The following MACF1 variants were observed in gnomAD, a reference collection of about 807,000 sequenced individuals.
The protein encoded by MACF1 is microtubule-actin cross-linking factor 1.
In MACF1, 193 loss-of-function variants were observed where a neutral mutation model predicts 854.8. The observed-to-expected ratio is 0.23, with a 90% CI of 0.20 to 0.25. MACF1 has a LOEUF of 0.25. MACF1 is among the 10% of genes least tolerant of loss of function. The pLI is 1.00. For synonymous variants in MACF1, 3,185 were observed against 3,226.7 expected (o/e 0.99, Z 0.44); for missense variants, 7,722 against 8,929.1 (o/e 0.86, Z 5.45).
chr1:39,294,968 G>A (rs1645870054), intron 18 of MACF1, 78 bp from the exon 19 acceptor site: 6 of 1,045,792 alleles, frequency 5.7e-6, no homozygotes, highest in Non-Finnish European at 8.8e-6. Flanking sequence ...TTTAAAATAG[G>A]GAACACAGCT....
In MACF1 at chr1:39,105,666, CAGG is replaced by C. The variant is rs1322391114; in HGVS notation, c.220+21231_220+21233del. The C allele has an allele frequency of 7.6e-5, 94 of 1,236,502 alleles. No individual in the cohort carries two copies. The highest frequency in any genetic ancestry group is 9.6e-5 in the Non-Finnish European group (92 of 962,814). 76.6% of individuals were successfully genotyped at this position (1,236,502 alleles called of 1,614,324 possible). Reference sequence around the variant, plus strand: ...GGGTCAGCAGCCGGCCAACCGCAGCCAGGAGAAGGAGTTCGTGCAGGCGTACGA... The same window carrying C: ...GGGTCAGCAGCCGGCCAACCGCAGCCAGAAGGAGTTCGTGCAGGCGTACGA... On this transcript the variant is annotated intron_variant, in intron 2 of 93. Coordinates refer to the MACF1 transcript ENST00000361689. The surrounding 1 kb of genome is among the most constrained non-coding windows in gnomAD (Gnocchi z 5.9).
intron 1 of MACF1, among the ~76,000 whole-genome samples, chr1:39,222,124 A>T (rs979920909): frequency 3.8e-4 from 56 of 147,794 alleles, no homozygotes; most frequent in African/African-American, 1.2e-3. Flanking sequence ...TTTGTAAATT[A>T]AAAAAAAAAA....
At chr1:39,352,610 C>T (rs1647220420) in intron 43 of MACF1, among the ~76,000 whole-genome samples, 2 of 152,146 alleles carry the variant, frequency 1.3e-5, no homozygotes, top group South Asian at 4.1e-4. Context: ...CTCCACCTCC[C>T]AGGTTCAAAC....
At chr1:39,344,386 C>T (rs1332288597) in intron 40 of MACF1, among the ~76,000 whole-genome samples, 2 of 149,938 alleles carry the variant, frequency 1.3e-5, no homozygotes, top group South Asian at 2.1e-4. Context: ...GAGCTGAGAT[C>T]GTGCCACTGG....
At chr1:39,455,148 A>G in intron 89 of MACF1, 51 bp downstream of exon 89, 2 of 1,556,200 alleles carry the variant, frequency 1.3e-6, no homozygotes, top group Non-Finnish European at 1.8e-6. Flanking sequence ...TTGGGCATGG[A>G]GACCATCTCT....
intron 6 of MACF1, among the ~76,000 whole-genome samples, chr1:39,262,968 GC>G (rs975416756): frequency 5.5e-5 from 8 of 145,098 alleles, no homozygotes; most frequent in South Asian, 2.3e-4. Context: ...CATGTGGAGT[GC>G]CCCCCCACCC....
chr1:39,234,253 A>G (rs112668643), intron 2 of MACF1, among the ~76,000 whole-genome samples: 28 of 152,062 alleles, frequency 1.8e-4, no homozygotes, highest in South Asian at 1.7e-3. Context: ...CCTCCTTTCT[A>G]TTCCACAAAG....
chr1:39,131,340 ATT>A (rs754371197), intron 2 of MACF1, among the ~76,000 whole-genome samples: 3 of 128,910 alleles, frequency 2.3e-5, no homozygotes, highest in Admixed American at 1.6e-4. Flanking sequence ...CAGTTTTATT[ATT>A]TTTTTTTTTT....
chr1:39,190,395 G>GTTT (rs750262685), intron 2 of MACF1, among the ~76,000 whole-genome samples: 5,445 of 78,372 alleles, frequency 0.069, 936 homozygotes, highest in South Asian at 0.11. Flanking sequence ...GTGTGTGTTT[G>GTTT]TTTTTGTTTT....
chr1:39,467,813 T>A (rs1644701084), intron 95 of MACF1: 1 of 152,134 alleles, frequency 6.6e-6, no homozygotes. Flanking sequence ...ATGCAGAAAA[T>A]CAGATTTTCT....
At chr1:39,169,777 T>C (rs937927450) in intron 2 of MACF1, among the ~76,000 whole-genome samples, 111 of 137,096 alleles carry the variant, frequency 8.1e-4, no homozygotes, top group Non-Finnish European at 1.1e-3. Context: ...TTCTTTCTTT[T>C]TTTTTTTTTT....
chr1:39,452,167 G>A lies in MACF1; in HGVS notation c.20430G>A (p.Lys6810=). The part of the protein sequence containing the change: ...NLMDAHKVFQ[K]ELGKRTGTVQ... ...ATTTTCTTTTCTAGGTTTTCCAGAA[G>A]GAACTGGGAAAGCGAACAGGAACCG... is the stretch of plus-strand genomic sequence containing the variant. Residue 6810 remains lysine (K), a synonymous_variant, in exon 86 of 101, where the codon AAG becomes AAA. Coordinates refer to ENST00000564288, the MANE Select transcript of MACF1 (RefSeq NM_001394062.1). 1 of 1,588,514 alleles carries A rather than the reference G, an allele frequency of 6.3e-7. No homozygotes were observed. Among genetic ancestry groups the A allele is most frequent in the Non-Finnish European group, 8.6e-7 (1 of 1,167,408 alleles).
At position 39,437,993 on chromosome 1, in the gene MACF1, G is replaced by C; in HGVS notation, c.18205G>C (p.Asp6069His). The C allele has an allele frequency of 6.2e-7, 1 of 1,613,930 alleles. No homozygotes were observed. Among genetic ancestry groups the C allele is most frequent in the Non-Finnish European group, 8.5e-7 (1 of 1,179,928 alleles). ...LIGRSQGADK[D>H]LAAKEIQDKL... ...TGGACGATCTCAGGGAGCAGACAAG[G>C]ATCTGGCTGCAAAAGGTGCTTGATG... The change falls in exon 71 of 101, where the codon GAT (aspartate) becomes CAT (histidine). Residue 6069 changes from aspartate to histidine, a missense_variant. Asp to His is a moderately conservative substitution (Grantham distance 81, BLOSUM62 -1). This residue lies in a region of MACF1 where 2,807 missense variants were observed against 3,235.8 expected (regional missense o/e 0.87). Transcript: ENST00000564288.
At chr1:39,328,598 C>T (rs1466406911) in intron 36 of MACF1, 1 of 152,190 alleles carries the variant, frequency 6.6e-6, no homozygotes, top group Non-Finnish European at 1.5e-5. Flanking sequence ...CAAAAACAAA[C>T]AGTCGCATGC....
chr1:39,216,161 A>C lies in MACF1; in HGVS notation c.109+11030A>C, dbSNP rs1233062379. Among the ~76,000 whole-genome samples, 2 of 150,694 alleles carry C rather than the reference A, an allele frequency of 1.3e-5. 1 individual carries two copies. The highest frequency in any genetic ancestry group is 4.9e-5 in the African/African-American group (2 of 41,206). On this transcript the variant is annotated intron_variant, in intron 1 of 100. Coordinates refer to ENST00000564288, the MANE Select transcript of MACF1 (RefSeq NM_001394062.1). ...CTGTAAAATGAAAAAAGATAAAGAAAATGTAGTGTGTCTTTCATAAAGCTA... is the reference window on the plus strand; with the variant it reads ...CTGTAAAATGAAAAAAGATAAAGAACATGTAGTGTGTCTTTCATAAAGCTA...
chr1:39,379,273 T>A lies in MACF1; in HGVS notation c.13347T>A (p.His4449Gln). 6.2e-7 allele frequency: 1 copy of A among 1,613,522 alleles called. No homozygotes were observed. The highest frequency in any genetic ancestry group is 8.5e-7 in the Non-Finnish European group (1 of 1,179,808). The part of the protein sequence containing the change: ...LKYEKLGGVL[H>Q]ERQESLQAIL... ...ATGAGAAACTAGGGGGAGTACTTCA[T>A]GAACGCCAGGAAAGCCTTCAGGCTA... The change falls in exon 54 of 101, where the codon CAT becomes CAA. Residue 4449 changes from histidine (H) to glutamine (Q), a missense_variant. Coordinates refer to ENST00000564288, the MANE Select transcript of MACF1 (RefSeq NM_001394062.1).
At chr1:39,271,304 A>G (rs1384582722) in intron 6 of MACF1, among the ~76,000 whole-genome samples, 1 of 152,186 alleles carries the variant, frequency 6.6e-6, no homozygotes. Flanking sequence ...AGCAGTAGGC[A>G]TGTCACTTGG....
At chr1:39,325,430 C>T (rs1010051710) in intron 35 of MACF1, among the ~76,000 whole-genome samples, 19 of 151,970 alleles carry the variant, frequency 1.3e-4, no homozygotes, top group South Asian at 4.2e-4. Flanking sequence ...GCAAGCAAGG[C>T]GAAACAGAAC....
intron 52 of MACF1, among the ~76,000 whole-genome samples, chr1:39,376,205 A>G (rs563955906): frequency 6.6e-6 from 1 of 152,212 alleles, no homozygotes; most frequent in Non-Finnish European, 1.5e-5. Flanking sequence ...AGCATAATTG[A>G]ACATGCATGT....
Sources: allele counts gnomAD v4.1 joint callset (sites outside exome capture counted in the v4.1 genomes callset), GRCh38; gene constraint gnomAD v4.1.1; regional missense constraint gnomAD v4.1.1; non-coding constraint Gnocchi (gnomAD v3.1); transcripts MANE v1.5; gene names NCBI Gene and HGNC (gene_info 2026-07-23, HGNC 2026-07-21).